The following SNTB1 variants were observed in gnomAD, a reference collection of about 807,000 sequenced individuals.
SNTB1 encodes beta-1-syntrophin.
SNTB1 carries 36 observed loss-of-function variants against 48.9 expected under a neutral mutation model. That is an observed-to-expected ratio of 0.74 (90% CI 0.56 to 0.97). The LOEUF (loss-of-function observed/expected upper bound fraction) is 0.97, where lower values mean the gene tolerates loss of function less well. Ranked by LOEUF, SNTB1 falls within the 50% of genes least tolerant of loss-of-function variation. The probability of loss-of-function intolerance (pLI) is 0.00; values close to 1 mark genes in which losing one functional copy is unlikely to be tolerated. For missense variants in SNTB1, 786 were observed against 703.4 expected (o/e 1.12, Z -1.33); for synonymous variants, 299 against 294.6 (o/e 1.01, Z -0.15).
intron 1 of SNTB1, among the ~76,000 whole-genome samples, chr8:120,783,648 T>C (rs1370169516): frequency 6.6e-6 from 1 of 152,174 alleles, no homozygotes; most frequent in Non-Finnish European, 1.5e-5. Context: ...TTTCCAATTC[T>C]AGACACTGCT....
At chr8:120,547,612 A>AC (rs1815405993) in intron 5 of SNTB1, among the ~76,000 whole-genome samples, 1 of 150,936 alleles carries the variant, frequency 6.6e-6, no homozygotes. Context: ...AAAAAAAAAA[A>AC]ACAACTTTGT....
chr8:120,647,169 G>A (rs1249850023), intron 2 of SNTB1, among the ~76,000 whole-genome samples: 1 of 136,350 alleles, frequency 7.3e-6, no homozygotes, highest in African/African-American at 2.8e-5. Context: ...ATTTCCTTCA[G>A]TTCTGCTCTG....
At chr8:120,544,028 G>A (rs1759316343) in intron 5 of SNTB1, among the ~76,000 whole-genome samples, 1 of 150,652 alleles carries the variant, frequency 6.6e-6, no homozygotes, top group Non-Finnish European at 1.5e-5. Flanking sequence ...GGGGCTCAAA[G>A]GATCCTTCCG....
intron 3 of SNTB1, among the ~76,000 whole-genome samples, chr8:120,585,614 T>A (rs1816126720): frequency 6.6e-6 from 1 of 152,234 alleles, no homozygotes; most frequent in Admixed American, 6.5e-5. Flanking sequence ...CCCTTATGTT[T>A]ACTCTTTATT....
At chr8:120,693,175 G>C (rs1818156407) in intron 2 of SNTB1, among the ~76,000 whole-genome samples, 1 of 152,070 alleles carries the variant, frequency 6.6e-6, no homozygotes, top group African/African-American at 2.4e-5. Flanking sequence ...CCTCGGGGCG[G>C]GCACCAAGCC....
chr8:120,670,444 C>T (rs775148991), intron 2 of SNTB1, among the ~76,000 whole-genome samples: 5 of 152,106 alleles, frequency 3.3e-5, no homozygotes, highest in Admixed American at 6.5e-5. Context: ...CAGACAGAAA[C>T]GACTACTCAG....
intron 3 of SNTB1, among the ~76,000 whole-genome samples, chr8:120,612,704 C>A (rs1377229701): frequency 1.3e-5 from 2 of 152,154 alleles, no homozygotes; most frequent in African/African-American, 4.8e-5. Flanking sequence ...CAGGTGCACA[C>A]CACCATGCCT....
At chr8:120,709,717 T>A (rs375129949) in intron 1 of SNTB1, among the ~76,000 whole-genome samples, 57 of 152,258 alleles carry the variant, frequency 3.7e-4, no homozygotes, top group African/African-American at 1.3e-3. Context: ...TCTTTCCCAC[T>A]GTGTTGGGAA....
At chr8:120,644,378 G>T (rs1817247176) in intron 2 of SNTB1, among the ~76,000 whole-genome samples, 1 of 134,366 alleles carries the variant, frequency 7.4e-6, no homozygotes, top group Admixed American at 9.0e-5. Flanking sequence ...TGATCTCATT[G>T]TTCAATTCCC....
chr8:120,571,265 G>A, intron 4 of SNTB1: 1 of 1,283,520 alleles, frequency 7.8e-7, no homozygotes, highest in South Asian at 1.3e-5. Context: ...GTCCAACTTT[G>A]CTTCTTAGTA....
At chr8:120,756,378 G>T (rs989521900) in intron 1 of SNTB1, among the ~76,000 whole-genome samples, 3 of 152,122 alleles carry the variant, frequency 2.0e-5, no homozygotes, top group Admixed American at 6.6e-5. Flanking sequence ...GACAGCTAAG[G>T]TGGTAAAGAT....
At chr8:120,795,590 T>C (rs895727463) in intron 1 of SNTB1, among the ~76,000 whole-genome samples, 4 of 152,086 alleles carry the variant, frequency 2.6e-5, no homozygotes, top group African/African-American at 9.7e-5. Context: ...TAACTTCTAA[T>C]GAAATTTATT....
chr8:120,662,569 G>C (rs1279490738), intron 2 of SNTB1, among the ~76,000 whole-genome samples: 1 of 152,212 alleles, frequency 6.6e-6, no homozygotes, highest in Non-Finnish European at 1.5e-5. Context: ...GGAGCAGGCA[G>C]TGGAGAGCGA....
At chr8:120,618,260 C>T (rs1350738904) in intron 3 of SNTB1, among the ~76,000 whole-genome samples, 2 of 152,186 alleles carry the variant, frequency 1.3e-5, no homozygotes, top group African/African-American at 4.8e-5. Context: ...TGTTTGTCTT[C>T]CTCATTTGTT....
At chr8:120,759,692 A>G (rs1819380638) in intron 1 of SNTB1, among the ~76,000 whole-genome samples, 1 of 152,174 alleles carries the variant, frequency 6.6e-6, no homozygotes, top group African/African-American at 2.4e-5. Flanking sequence ...ACCAAATAGG[A>G]TGAGCTCCAA....
intron 1 of SNTB1, among the ~76,000 whole-genome samples, chr8:120,787,243 A>C (rs1202141944): frequency 2.0e-5 from 3 of 152,194 alleles, no homozygotes; most frequent in African/African-American, 7.2e-5. Flanking sequence ...ATAAATTTTA[A>C]AATAATTAGA....
chr8:120,576,992 T>C (rs1050275544), intron 3 of SNTB1, among the ~76,000 whole-genome samples: 1 of 152,014 alleles, frequency 6.6e-6, no homozygotes, highest in Non-Finnish European at 1.5e-5. Flanking sequence ...GATGGGGAAA[T>C]TGTGTCAGAC....
At chr8:120,569,444 C>T (rs929640150) in intron 4 of SNTB1, among the ~76,000 whole-genome samples, 1 of 152,246 alleles carries the variant, frequency 6.6e-6, no homozygotes, top group Non-Finnish European at 1.5e-5. Context: ...ACTTTCAGTG[C>T]TCCACTCAAA....
chr8:120,597,581 A>G (rs1307663039), intron 3 of SNTB1, among the ~76,000 whole-genome samples: 4 of 152,250 alleles, frequency 2.6e-5, no homozygotes, highest in African/African-American at 9.6e-5. Context: ...AGAAAACCAC[A>G]AAGAAGGATC....
Sources: allele counts gnomAD v4.1 joint callset (sites outside exome capture counted in the v4.1 genomes callset), GRCh38; gene constraint gnomAD v4.1.1; transcripts MANE v1.5; gene names NCBI Gene and HGNC (gene_info 2026-07-23, HGNC 2026-07-21).